Variants in IL1RAPL1 observed in about 807,000 individuals in gnomAD.
IL1RAPL1 encodes interleukin-1 receptor accessory protein-like 1.
IL1RAPL1 carries 3 observed loss-of-function variants against 48.4 expected under a neutral mutation model. The observed-to-expected ratio is 0.06, with a 90% confidence interval of 0.03 to 0.16. The LOEUF is 0.16. IL1RAPL1 is among the 10% of genes least tolerant of loss of function. The probability of loss-of-function intolerance (pLI) is 1.00; values close to 1 mark genes in which losing one functional copy is unlikely to be tolerated. For missense variants in IL1RAPL1, 349 were observed against 530.6 expected (o/e 0.66, Z 3.36); for synonymous variants, 185 against 187.7 (o/e 0.99, Z 0.12).
At chrX:28,710,426 T>C (rs1569156075) in intron 1 of IL1RAPL1, among the ~76,000 whole-genome samples, 2 of 109,848 alleles carry the variant, frequency 1.8e-5, no homozygotes, top group Non-Finnish European at 3.8e-5. Flanking sequence ...GTAGGTGAGA[T>C]TTTAGCAAAG....
intron 2 of IL1RAPL1, among the ~76,000 whole-genome samples, chrX:28,898,138 G>T (rs1206629278): frequency 1.8e-5 from 2 of 111,840 alleles, no homozygotes; most frequent in Non-Finnish European, 3.8e-5. Flanking sequence ...CAGGGGATAT[G>T]ATGGCTTAGC....
chrX:29,341,650 C>T (rs1933076852), intron 3 of IL1RAPL1, among the ~76,000 whole-genome samples: 1 of 110,999 alleles, frequency 9.0e-6, no homozygotes, highest in Admixed American at 9.6e-5. Flanking sequence ...TTTTCTATTA[C>T]GTGAGGAAGG....
chrX:28,999,986 A>G (rs373888966), intron 2 of IL1RAPL1, among the ~76,000 whole-genome samples: 4 of 111,641 alleles, frequency 3.6e-5, no homozygotes, highest in African/African-American at 9.8e-5. Context: ...TGTGGAAATT[A>G]GATTCCTTGT....
chrX:29,092,996 C>T (rs1461053851), intron 2 of IL1RAPL1, among the ~76,000 whole-genome samples: 1 of 111,656 alleles, frequency 9.0e-6, no homozygotes, highest in Non-Finnish European at 1.9e-5. Context: ...TTAATAGAAT[C>T]TATATTAACC....
At chrX:28,599,463 C>T (rs1166924863) in intron 1 of IL1RAPL1, among the ~76,000 whole-genome samples, 1 of 111,216 alleles carries the variant, frequency 9.0e-6, no homozygotes, top group Non-Finnish European at 1.9e-5. Flanking sequence ...CACAATGGCA[C>T]AGGGTAGGCC....
intron 6 of IL1RAPL1, among the ~76,000 whole-genome samples, chrX:29,771,697 T>A (rs1489450539): frequency 8.9e-6 from 1 of 111,861 alleles, no homozygotes; most frequent in Non-Finnish European, 1.9e-5. Context: ...CATGTTGAAG[T>A]ACCATTTTTC....
At chrX:28,953,731 T>C (rs138394827) in intron 2 of IL1RAPL1, among the ~76,000 whole-genome samples, 3,137 of 110,718 alleles carry the variant, frequency 0.028, 121 homozygotes, top group African/African-American at 0.095. Flanking sequence ...GTAACTTTTT[T>C]TACATTAATT....
intron 2 of IL1RAPL1, among the ~76,000 whole-genome samples, chrX:28,865,598 T>C (rs919791113): frequency 8.9e-6 from 1 of 111,987 alleles, no homozygotes. Flanking sequence ...GGACTCGGTA[T>C]GTAAATGGTA....
At chrX:28,650,616 T>C (rs1396563484) in intron 1 of IL1RAPL1, among the ~76,000 whole-genome samples, 1 of 111,140 alleles carries the variant, frequency 9.0e-6, no homozygotes, top group Non-Finnish European at 1.9e-5. Flanking sequence ...GGCAGGGAGG[T>C]GGGCCTCTGG....
At position 29,624,723 on chromosome X, in the gene IL1RAPL1, G is replaced by A. The variant is rs1048978143; in HGVS notation, c.704-43707G>A. Among the ~76,000 whole-genome samples, 4 of 110,197 alleles carry A rather than the reference G, an allele frequency of 3.6e-5. No homozygotes were observed. In the East Asian group the frequency reaches 1.1e-3, roughly 31 times the overall value. Reference sequence around the variant, plus strand: ...AGCTGGGCTTGGTTGCTACATGCCTGTAGTCCCAGCTGCTAGGGAGGTTGA... The same window carrying A: ...AGCTGGGCTTGGTTGCTACATGCCTATAGTCCCAGCTGCTAGGGAGGTTGA... On this transcript the variant is annotated intron_variant, in intron 5 of 10. Coordinates refer to ENST00000378993, the MANE Select transcript of IL1RAPL1 (RefSeq NM_014271.4).
chrX:28,811,153 A>C lies in IL1RAPL1; in HGVS notation c.82+21728A>C, dbSNP rs781403915. Among the ~76,000 whole-genome samples, 25 of 110,665 alleles carry C rather than the reference A, an allele frequency of 2.3e-4. No homozygotes were observed. In the South Asian group the frequency reaches 7.5e-3, roughly 33 times the overall value. ...TTAATACTCCCTTTGGTAGAGGGTT[A>C]AGCTTGTTGAATTATTTCAACTTAA... On this transcript the variant is annotated intron_variant, in intron 2 of 10. Coordinates refer to ENST00000378993, the MANE Select transcript of IL1RAPL1 (RefSeq NM_014271.4).
intron 2 of IL1RAPL1, among the ~76,000 whole-genome samples, chrX:29,276,412 TTC>T (rs1405659991): frequency 8.9e-6 from 1 of 112,353 alleles, no homozygotes; most frequent in African/African-American, 3.2e-5. Flanking sequence ...AATCAAATTA[TTC>T]TGAGTTAGAA....
intron 1 of IL1RAPL1, among the ~76,000 whole-genome samples, chrX:28,707,229 T>C (rs772277421): frequency 1.3e-4 from 15 of 112,097 alleles, no homozygotes; most frequent in Non-Finnish European, 2.3e-4. Flanking sequence ...ACGCAAGGGG[T>C]AAGCCCTCCA....
At chrX:29,526,429 A>G (rs1935553699) in intron 5 of IL1RAPL1, among the ~76,000 whole-genome samples, 1 of 111,752 alleles carries the variant, frequency 8.9e-6, no homozygotes, top group Admixed American at 9.5e-5. Context: ...TAGAAAAGAT[A>G]AATTAGAGGC....
At chrX:28,923,399 T>C (rs1418566032) in intron 2 of IL1RAPL1, among the ~76,000 whole-genome samples, 1 of 110,506 alleles carries the variant, frequency 9.0e-6, no homozygotes, top group Non-Finnish European at 1.9e-5. Flanking sequence ...GGTCTCGAAC[T>C]CCCAACCTCA....
At chrX:29,900,313 A>T (rs1932471456) in intron 6 of IL1RAPL1, among the ~76,000 whole-genome samples, 1 of 112,501 alleles carries the variant, frequency 8.9e-6, no homozygotes, top group East Asian at 2.8e-4. Context: ...TTAGCTTTGA[A>T]AACTAATAAA....
At chrX:29,423,135 A>T (rs1463570811) in intron 5 of IL1RAPL1, among the ~76,000 whole-genome samples, 1 of 111,646 alleles carries the variant, frequency 9.0e-6, no homozygotes, top group African/African-American at 3.3e-5. Context: ...ATCTTAACCC[A>T]GACATTCCTT....
intron 2 of IL1RAPL1, among the ~76,000 whole-genome samples, chrX:29,252,748 C>A (rs1275037511): frequency 3.6e-5 from 4 of 110,959 alleles, no homozygotes; most frequent in African/African-American, 1.3e-4. Context: ...TATTTCAATC[C>A]CAAGATTCAA....
intron 6 of IL1RAPL1, among the ~76,000 whole-genome samples, chrX:29,802,602 A>G (rs1387069743): frequency 1.0e-4 from 3 of 29,201 alleles, no homozygotes; most frequent in Admixed American, 3.1e-4. Flanking sequence ...CTCAGTTTCT[A>G]TACTTTTATT....
Sources: gnomAD v4.1 joint callset for allele counts (sites outside exome capture counted in the v4.1 genomes callset) on GRCh38, gnomAD v4.1.1 for gene constraint, MANE v1.5 for transcripts, NCBI Gene and HGNC (gene_info 2026-07-23, HGNC 2026-07-21) for gene names.